Variants in PDZD2 observed in about 807,000 individuals in gnomAD.
The protein encoded by PDZD2 is PDZ domain containing 2.
PDZD2 carries 90 observed loss-of-function variants against 220.7 expected under a neutral mutation model. The ratio of observed to expected loss-of-function variants is 0.41; its 90% confidence interval spans 0.34 to 0.49. PDZD2 has a LOEUF of 0.49. PDZD2 is among the 20% of genes least tolerant of loss of function. PDZD2 has a pLI of 0.28. For missense variants in PDZD2, 3,174 were observed against 3,608.5 expected (o/e 0.88, Z 3.08); for synonymous variants, 1,375 against 1,450.5 (o/e 0.95, Z 1.18).
intron 2 of PDZD2, among the ~76,000 whole-genome samples, chr5:31,901,362 G>A (rs188170981): frequency 1.3e-5 from 2 of 151,090 alleles, no homozygotes; most frequent in East Asian, 3.9e-4. Context: ...AGGTTGCAGT[G>A]AGCCAAGATC....
intron 1 of PDZD2, among the ~76,000 whole-genome samples, chr5:31,667,235 CAAAAA>C (rs3031718): frequency 1.9e-4 from 10 of 52,854 alleles, no homozygotes; most frequent in East Asian, 6.2e-4. Flanking sequence ...GACTCCGTCT[CAAAAA>C]AAAAAAAAAA....
rs1369360973 is a variant in PDZD2 at position 32,053,657 on chromosome 5, C to G, written c.1786-112C>G. 6 of 695,552 alleles carry G rather than the reference C, an allele frequency of 8.6e-6. No individual in the cohort carries two copies. In the East Asian group the frequency reaches 1.3e-4, roughly 15 times the overall value. 43.1% of individuals were successfully genotyped at this position (695,552 alleles called of 1,614,324 possible). A position where few individuals can be genotyped will look rare whatever the true frequency, so the allele number is the denominator to read the frequency against. On this transcript the variant is annotated intron_variant, in intron 9 of 24. Coordinates refer to ENST00000438447, the MANE Select transcript of PDZD2 (RefSeq NM_178140.4). Reference sequence around the variant, plus strand: ...CCAGGCCTGGTTAGGGAGGGCACTTCAGTTAAATACTACAATGGGACAGAT... The same window carrying G: ...CCAGGCCTGGTTAGGGAGGGCACTTGAGTTAAATACTACAATGGGACAGAT...
chr5:31,756,302 T>C (rs1435424137), intron 1 of PDZD2, among the ~76,000 whole-genome samples: 1 of 152,218 alleles, frequency 6.6e-6, no homozygotes, highest in Non-Finnish European at 1.5e-5. Flanking sequence ...CAGTGTGCAC[T>C]CAGAGAAAGA....
intron 9 of PDZD2, among the ~76,000 whole-genome samples, chr5:32,053,366 A>G (rs1738770729): frequency 6.6e-6 from 1 of 152,266 alleles, no homozygotes; most frequent in East Asian, 1.9e-4. Flanking sequence ...TTGATATTAT[A>G]CAAAATGGAA....
At chr5:31,753,349 A>G (rs1465063025) in intron 1 of PDZD2, among the ~76,000 whole-genome samples, 1 of 152,200 alleles carries the variant, frequency 6.6e-6, no homozygotes, top group African/African-American at 2.4e-5. Context: ...CCTGTGCCCC[A>G]TTCATTCATC....
intron 19 of PDZD2, among the ~76,000 whole-genome samples, chr5:32,078,284 A>C (rs1396197997): frequency 6.6e-6 from 1 of 152,222 alleles, no homozygotes; most frequent in East Asian, 1.9e-4. Context: ...GAAAAACCAC[A>C]CATAAGTGTT....
chr5:32,099,682 A>C (rs1744070428), intron 23 of PDZD2: 1 of 152,252 alleles, frequency 6.6e-6, no homozygotes, highest in African/African-American at 2.4e-5. Flanking sequence ...CTGTCAAAGG[A>C]AACCACTTCA....
At chr5:31,746,305 G>A (rs930906015) in intron 1 of PDZD2, among the ~76,000 whole-genome samples, 3 of 152,170 alleles carry the variant, frequency 2.0e-5, no homozygotes, top group African/African-American at 7.2e-5. Context: ...GCAAATCAAT[G>A]TCAATTTTTG....
Position 32,000,051 on chromosome 5 carries a change from T to C in PDZD2, c.1122-88T>C. On this transcript the variant is annotated intron_variant, in intron 4 of 24. Coordinates refer to ENST00000438447, the MANE Select transcript of PDZD2 (RefSeq NM_178140.4). This position sits in a 1 kb window ranked among gnomAD's most constrained non-coding sequence, Gnocchi z 4.5. ...TTAGCCCAATCTTAACCGTCCCTCC[T>C]CACAACCCTCCCTAGCTCCAGAAAA... is the stretch of plus-strand genomic sequence containing the variant. 1 of 1,231,584 alleles carries C rather than the reference T, an allele frequency of 8.1e-7. No homozygotes were observed. The highest frequency in any genetic ancestry group is 1.2e-6 in the Non-Finnish European group (1 of 857,076). The allele number at this position is 1,231,584 out of a possible 1,614,324, so 76.3% of individuals were successfully genotyped here.
intron 10 of PDZD2, among the ~76,000 whole-genome samples, chr5:32,054,446 C>T (rs1162965433): frequency 2.0e-5 from 3 of 149,340 alleles, no homozygotes; most frequent in Non-Finnish European, 4.4e-5. Context: ...ACCTCAGCTT[C>T]GTGAGTAGCT....
At chr5:31,941,712 C>T (rs1196231256) in intron 2 of PDZD2, among the ~76,000 whole-genome samples, 1 of 152,196 alleles carries the variant, frequency 6.6e-6, no homozygotes, top group African/African-American at 2.4e-5. Context: ...CTGCTGTTTT[C>T]ATACTGCTGA....
chr5:31,875,134 A>G (rs1739188325), intron 2 of PDZD2, among the ~76,000 whole-genome samples: 1 of 152,104 alleles, frequency 6.6e-6, no homozygotes, highest in Non-Finnish European at 1.5e-5. Flanking sequence ...CATTCATTTT[A>G]ACTGCCTTTG....
chr5:32,065,811 G>A (rs1390949531), intron 14 of PDZD2, among the ~76,000 whole-genome samples: 1 of 152,126 alleles, frequency 6.6e-6, no homozygotes, highest in African/African-American at 2.4e-5. Context: ...GATCGCCTGC[G>A]ATCAGGAGTT....
intron 5 of PDZD2, among the ~76,000 whole-genome samples, chr5:32,003,372 A>AC (rs1752513666): frequency 2.4e-5 from 1 of 42,494 alleles, no homozygotes; most frequent in African/African-American, 6.8e-5. Flanking sequence ...CCACACACAC[A>AC]CCACACACAC....
At chr5:31,879,163 G>A (rs1334955059) in intron 2 of PDZD2, among the ~76,000 whole-genome samples, 4 of 151,724 alleles carry the variant, frequency 2.6e-5, no homozygotes, top group African/African-American at 7.3e-5. Flanking sequence ...CGAGGCGGGC[G>A]GATCACGAGG....
intron 1 of PDZD2, among the ~76,000 whole-genome samples, chr5:31,791,456 G>A (rs1753720259): frequency 6.6e-6 from 1 of 152,024 alleles, no homozygotes; most frequent in South Asian, 2.1e-4. Context: ...CAAGTGTGGT[G>A]GCGCATGCCT....
At position 32,098,772 on chromosome 5, in the gene PDZD2, G is replaced by C; in HGVS notation, c.8218+138G>C. The C allele has an allele frequency of 1.3e-6, 1 of 778,518 alleles. No individual in the cohort carries two copies. The highest frequency in any genetic ancestry group is 2.0e-6 in the Non-Finnish European group (1 of 499,664). The allele number at this position is 778,518 out of a possible 1,614,324, so 48.2% of individuals were successfully genotyped here. A position where few individuals can be genotyped will look rare whatever the true frequency, so the allele number is the denominator to read the frequency against. ...AATGTAGCGAAGTCTAGTGTGTTTGGATGCTGCTTACAAAAGCAGTGTTAC... is the reference window on the plus strand; with the variant it reads ...AATGTAGCGAAGTCTAGTGTGTTTGCATGCTGCTTACAAAAGCAGTGTTAC... On this transcript the variant is annotated intron_variant, in intron 23 of 24. Coordinates refer to ENST00000438447, the MANE Select transcript of PDZD2 (RefSeq NM_178140.4). This position sits in a 1 kb window ranked among gnomAD's most constrained non-coding sequence, Gnocchi z 4.1.
At chr5:31,849,769 G>A (rs998931806) in intron 2 of PDZD2, among the ~76,000 whole-genome samples, 5 of 150,214 alleles carry the variant, frequency 3.3e-5, no homozygotes, top group African/African-American at 9.8e-5. Context: ...GCTTGAACCC[G>A]GGAGGCAGAG....
At chr5:31,906,468 C>G (rs1011091658) in intron 2 of PDZD2, among the ~76,000 whole-genome samples, 4 of 151,888 alleles carry the variant, frequency 2.6e-5, no homozygotes, top group African/African-American at 9.7e-5. Flanking sequence ...TCTCAGCCTC[C>G]CATAGTGTGA....
Sources: allele counts gnomAD v4.1 joint callset (sites outside exome capture counted in the v4.1 genomes callset), GRCh38; gene constraint gnomAD v4.1.1; non-coding constraint Gnocchi (gnomAD v3.1); transcripts MANE v1.5; gene names NCBI Gene and HGNC (gene_info 2026-07-23, HGNC 2026-07-21).